Variants in RBFOX1 observed in about 807,000 individuals in gnomAD.
The protein encoded by RBFOX1 is RNA binding protein fox-1 homolog 1.
RBFOX1 carries 8 observed loss-of-function variants against 57.7 expected under a neutral mutation model. That is an observed-to-expected ratio of 0.14 (90% CI 0.08 to 0.25). RBFOX1 has a LOEUF of 0.25. Ranked by LOEUF, RBFOX1 falls within the 10% of genes least tolerant of loss-of-function variation. The pLI is 1.00. For synonymous variants in RBFOX1, 326 were observed against 222.4 expected, an observed-to-expected ratio of 1.47 and a Z score of -4.15; for missense variants, 611 against 548.5, an observed-to-expected ratio of 1.11 and a Z score of -1.14.
chr16:5,858,942 T>A (rs2057141374), intron 3 of RBFOX1, among the ~76,000 whole-genome samples: 1 of 152,150 alleles, frequency 6.6e-6, no homozygotes, highest in Non-Finnish European at 1.5e-5. Context: ...GGGCCGGGTC[T>A]GGTGGCTCAC....
At chr16:6,429,774 C>A (rs780285396) in intron 2 of RBFOX1, among the ~76,000 whole-genome samples, 1 of 152,146 alleles carries the variant, frequency 6.6e-6, no homozygotes, top group Admixed American at 6.6e-5. Flanking sequence ...GTCTTGCTTT[C>A]CCCTTTGTCT....
At chr16:5,692,498 C>G (rs2050718913) in intron 3 of RBFOX1, among the ~76,000 whole-genome samples, 1 of 152,156 alleles carries the variant, frequency 6.6e-6, no homozygotes, top group Non-Finnish European at 1.5e-5. Flanking sequence ...GCCTGAGTTG[C>G]ATCCTGGTGA....
At chr16:7,365,727 G>A (rs1267137296) in intron 4 of RBFOX1, among the ~76,000 whole-genome samples, 1 of 152,182 alleles carries the variant, frequency 6.6e-6, no homozygotes, top group Non-Finnish European at 1.5e-5. Context: ...TATCAAGAGT[G>A]CAGAGATAGA....
At chr16:6,493,319 A>G (rs1234424463) in intron 2 of RBFOX1, among the ~76,000 whole-genome samples, 2 of 152,176 alleles carry the variant, frequency 1.3e-5, no homozygotes, top group Admixed American at 1.3e-4. Context: ...TTTCCTAAAA[A>G]TATTAAATAT....
intron 2 of RBFOX1, among the ~76,000 whole-genome samples, chr16:5,489,412 C>T (rs1261537330): frequency 6.6e-6 from 1 of 152,216 alleles, no homozygotes; most frequent in Non-Finnish European, 1.5e-5. Flanking sequence ...AAGTTCTGAT[C>T]AGCCAGGTAG....
In RBFOX1 at chr16:6,852,577, G is replaced by A. The variant is rs1348890493; in HGVS notation, c.-16+197927G>A. 3.3e-5 allele frequency among the ~76,000 whole-genome samples: 5 copies of A among 152,196 alleles called. No individual in the cohort carries two copies. In the South Asian group the frequency reaches 1.0e-3, roughly 32 times the overall value. On this transcript the variant is annotated intron_variant, in intron 3 of 15. Transcript: ENST00000550418. ...GGTGGCAACTAGCTGTCCAGGAAAG[G>A]TGCATGTTGGAAACTAGCTGTCCAG...
At chr16:6,916,670 G>A (rs566555558) in intron 3 of RBFOX1, among the ~76,000 whole-genome samples, 42 of 152,088 alleles carry the variant, frequency 2.8e-4, no homozygotes, top group Non-Finnish European at 5.3e-4. Flanking sequence ...TTCCCAGGTC[G>A]TCCTTTTACC....
chr16:6,259,344 C>G (rs1199028950), intron 1 of RBFOX1, among the ~76,000 whole-genome samples: 1 of 152,048 alleles, frequency 6.6e-6, no homozygotes, highest in African/African-American at 2.4e-5. Context: ...AGGCAGAGTT[C>G]AATAACTGAT....
chr16:7,310,814 G>C (rs1317525373), intron 4 of RBFOX1, among the ~76,000 whole-genome samples: 2 of 152,172 alleles, frequency 1.3e-5, no homozygotes, highest in African/African-American at 4.8e-5. Flanking sequence ...TGGAACTCCT[G>C]ATAGGTTTAT....
intron 1 of RBFOX1, among the ~76,000 whole-genome samples, chr16:6,193,092 C>G (rs2097152163): frequency 6.7e-6 from 1 of 150,212 alleles, no homozygotes; most frequent in Non-Finnish European, 1.5e-5. Flanking sequence ...AGATTCATCT[C>G]TAACTCTGTA....
chr16:5,913,844 G>A (rs774228602), intron 4 of RBFOX1, among the ~76,000 whole-genome samples: 5 of 152,252 alleles, frequency 3.3e-5, no homozygotes, highest in African/African-American at 4.8e-5. Flanking sequence ...TACCTATCAT[G>A]TACCAGACAC....
chr16:7,359,110 G>A (rs2097271437), intron 4 of RBFOX1, among the ~76,000 whole-genome samples: 1 of 152,170 alleles, frequency 6.6e-6, no homozygotes, highest in Admixed American at 6.5e-5. Flanking sequence ...AACTGTGGGT[G>A]AGTTAAACAT....
rs781318389 is a variant in RBFOX1, at chr16:7,147,977, C to A, written c.27+95879C>A. 2.6e-5 allele frequency among the ~76,000 whole-genome samples: 4 copies of A among 152,252 alleles called. No individual in the cohort carries two copies. In the East Asian group the frequency reaches 5.8e-4, roughly 22 times the overall value. ...CTCAAGGAGTAATGCCTAGTTAGAA[C>A]CTTGCAGTCACACAAGAGGTATACA... is the stretch of plus-strand genomic sequence containing the variant. On this transcript the variant is annotated intron_variant, in intron 4 of 15. Transcript: ENST00000550418.
chr16:6,500,886 T>TGTTTGTTGG (rs796977292), intron 2 of RBFOX1, among the ~76,000 whole-genome samples: 3 of 145,492 alleles, frequency 2.1e-5, no homozygotes, highest in African/African-American at 7.6e-5. Flanking sequence ...GTTTTTTTTT[T>TGTTTGTTGG]TTTTTTTTTT....
At chr16:6,515,879 A>C (rs530261179) in intron 2 of RBFOX1, among the ~76,000 whole-genome samples, 6 of 152,208 alleles carry the variant, frequency 3.9e-5, no homozygotes, top group African/African-American at 1.4e-4. Flanking sequence ...ACCTAGCTCA[A>C]ATGTCAGCTT....
intron 4 of RBFOX1, among the ~76,000 whole-genome samples, chr16:5,963,073 A>C (rs2059781676): frequency 6.6e-6 from 1 of 152,194 alleles, no homozygotes; most frequent in African/African-American, 2.4e-5. Context: ...TATGTGAGTT[A>C]ATATTTGAAA....
intron 3 of RBFOX1, among the ~76,000 whole-genome samples, chr16:6,713,011 C>T (rs1603451079): frequency 6.7e-6 from 1 of 149,986 alleles, no homozygotes; most frequent in South Asian, 2.1e-4. Flanking sequence ...CATGTAAGAC[C>T]TGCCTTTGCT....
intron 2 of RBFOX1, among the ~76,000 whole-genome samples, chr16:5,478,754 T>C (rs545611701): frequency 6.6e-6 from 1 of 152,242 alleles, no homozygotes; most frequent in Admixed American, 6.5e-5. Context: ...TGGTTTCTCA[T>C]TGGGTTTGGG....
Position 7,435,818 on chromosome 16 carries a change from G to C in RBFOX1, c.28-82329G>C, listed in dbSNP as rs148470509. Among the ~76,000 whole-genome samples the C allele has an allele frequency of 4.3e-3, 648 of 152,286 alleles. 3 individuals are homozygous for C. The highest frequency in any genetic ancestry group is 0.014 in the African/African-American group (601 of 41,542). On this transcript the variant is annotated intron_variant, in intron 4 of 15. Coordinates refer to ENST00000550418, the MANE Select transcript of RBFOX1 (RefSeq NM_018723.4). Reference sequence around the variant, plus strand: ...CAGATCCTGTGTCAAAGAAATTAAAGGCTCATTCCTCCATGCACTAAGTTG... The same window carrying C: ...CAGATCCTGTGTCAAAGAAATTAAACGCTCATTCCTCCATGCACTAAGTTG...
Sources: allele counts gnomAD v4.1 joint callset (sites outside exome capture counted in the v4.1 genomes callset), GRCh38; gene constraint gnomAD v4.1.1; transcripts MANE v1.5; gene names NCBI Gene and HGNC (gene_info 2026-07-23, HGNC 2026-07-21).